The following PHKA1 variants were observed in gnomAD, a reference collection of about 807,000 sequenced individuals.
PHKA1 encodes phosphorylase kinase regulatory subunit alpha 1.
PHKA1 carries 60 observed loss-of-function variants against 110.2 expected under a neutral mutation model. The ratio of observed to expected loss-of-function variants is 0.54; its 90% confidence interval spans 0.44 to 0.68. The LOEUF is 0.68. PHKA1 is among the 30% of genes least tolerant of loss of function. The probability of loss-of-function intolerance (pLI) is 0.00; values close to 1 mark genes in which losing one functional copy is unlikely to be tolerated. For missense variants in PHKA1, 801 were observed against 942.5 expected (o/e 0.85, Z 1.97); for synonymous variants, 316 against 333.6 (o/e 0.95, Z 0.58).
chrX:72,623,052 T>C, intron 18 of PHKA1, 57 bp downstream of exon 18: 1 of 1,206,234 alleles, frequency 8.3e-7, no homozygotes, highest in East Asian at 3.0e-5. Flanking sequence ...AGGATGGTGC[T>C]AAACAATATT....
chrX:72,655,674 G>C (rs2053485147), intron 10 of PHKA1, among the ~76,000 whole-genome samples: 1 of 110,228 alleles, frequency 9.1e-6, no homozygotes, highest in Non-Finnish European at 1.9e-5. Flanking sequence ...CCAGGCTGGA[G>C]TGCAGTGGCG....
intron 4 of PHKA1, among the ~76,000 whole-genome samples, chrX:72,690,924 C>G (rs935985379): frequency 9.0e-6 from 1 of 111,341 alleles, no homozygotes. Context: ...CACACCACCA[C>G]GCCTGGCTAA....
chrX:72,639,466 G>T (rs2053269388), intron 14 of PHKA1, among the ~76,000 whole-genome samples: 1 of 111,555 alleles, frequency 9.0e-6, no homozygotes, highest in Non-Finnish European at 1.9e-5. Context: ...AACCTGGGAG[G>T]CGGTGGTTGC....
In PHKA1 at chrX:72,667,385, T is replaced by A; in HGVS notation, c.707A>T (p.Gln236Leu). 8.3e-7 allele frequency: 1 copy of A among 1,200,125 alleles called. No individual in the cohort carries two copies. Among genetic ancestry groups the A allele is most frequent in the Non-Finnish European group, 1.1e-6 (1 of 884,793 alleles). ...SVIHVLADEVQHCQSILNSLL... is the reference protein window; with the variant it reads ...SVIHVLADEVLHCQSILNSLL... ...TCCATAATATTTTACCTGGCAGTGC[T>A]GTACTTCATCAGCCAGGACATGGAT... The change falls in exon 7 of 32, where the codon CAG becomes CTG. Residue 236 changes from glutamine (Q) to leucine (L), a missense_variant. Coordinates refer to ENST00000373542, the MANE Select transcript of PHKA1 (RefSeq NM_002637.4).
intron 6 of PHKA1, among the ~76,000 whole-genome samples, chrX:72,673,797 T>C (rs1329358403): frequency 1.8e-5 from 2 of 111,570 alleles, no homozygotes; most frequent in Non-Finnish European, 3.8e-5. Flanking sequence ...TTATTTTTTT[T>C]TTCATTTGAA....
chrX:72,642,377 GAGA>G (rs782581320), intron 14 of PHKA1, among the ~76,000 whole-genome samples: 6 of 111,619 alleles, frequency 5.4e-5, no homozygotes, highest in Non-Finnish European at 7.5e-5. Flanking sequence ...GAGAGCCAGA[GAGA>G]ATCAGGTCAA....
At chrX:72,698,931 A>G (rs1370925057) in intron 3 of PHKA1, among the ~76,000 whole-genome samples, 1 of 112,052 alleles carries the variant, frequency 8.9e-6, no homozygotes, top group African/African-American at 3.2e-5. Flanking sequence ...CACGACTATC[A>G]CAGTTTTCAT....
intron 5 of PHKA1, among the ~76,000 whole-genome samples, chrX:72,682,934 TAAAAAAAAAAAA>T (rs1164416043): frequency 1.6e-5 from 1 of 63,857 alleles, no homozygotes. Context: ...AAAAATAAAT[TAAAAAAAAAAAA>T]AAAAAAAAAA....
intron 3 of PHKA1, chrX:72,697,195 T>C (rs1163600934): frequency 9.0e-6 from 1 of 111,032 alleles, no homozygotes; most frequent in African/African-American, 3.3e-5. Context: ...AGACCCATCA[T>C]TATGTAAGAA....
chrX:72,711,614 C>G (rs1474070044), intron 2 of PHKA1, among the ~76,000 whole-genome samples: 2 of 110,967 alleles, frequency 1.8e-5, no homozygotes, highest in East Asian at 5.7e-4. Flanking sequence ...CGTGGTGGCA[C>G]GCGCATGTAG....
In PHKA1 at chrX:72,713,867, C is replaced by T. The variant is rs1196812436; in HGVS notation, c.14G>A (p.Ser5Asn). Residue 5 changes from serine (S) to asparagine (N), a missense_variant, in exon 1 of 32, where the codon AGT (serine) becomes AAT (asparagine). Ser to Asn is a conservative substitution (Grantham distance 46). This residue lies in a region of PHKA1 where 299 missense variants were observed against 423.3 expected (regional missense o/e 0.71). Transcript: ENST00000373542. MRSR[S>N]NSGVRLDGYA... ...GCCGTCCAGCCGGACCCCGGAGTTA[C>T]TCCGGCTCCTCATGGCGACACGTTA... The T allele has an allele frequency of 5.8e-6, 7 of 1,201,960 alleles. No homozygotes were observed. Among genetic ancestry groups the T allele is most frequent in the Non-Finnish European group, 7.9e-6 (7 of 887,572 alleles).
At chrX:72,703,627 TGA>T (rs2054236767) in intron 3 of PHKA1, among the ~76,000 whole-genome samples, 1 of 111,395 alleles carries the variant, frequency 9.0e-6, no homozygotes, top group Admixed American at 9.5e-5. Flanking sequence ...CTGCAGTGAG[TGA>T]GCTATGATCA....
intron 8 of PHKA1, among the ~76,000 whole-genome samples, chrX:72,660,226 G>C (rs1234718441): frequency 7.2e-5 from 8 of 111,443 alleles, no homozygotes; most frequent in African/African-American, 2.6e-4. Context: ...CAAACATATA[G>C]TCATGTGTCC....
chrX:72,682,556 G>C (rs868942998), intron 5 of PHKA1, among the ~76,000 whole-genome samples: 250 of 107,841 alleles, frequency 2.3e-3, no homozygotes, highest in Middle Eastern at 9.5e-3. Context: ...AGACATGGGA[G>C]ACTTTTCATT....
intron 3 of PHKA1, among the ~76,000 whole-genome samples, chrX:72,704,811 G>A (rs1046329575): frequency 1.8e-5 from 2 of 111,558 alleles, no homozygotes; most frequent in African/African-American, 6.5e-5. Context: ...GGCTGGTCTC[G>A]AACTTATGGA....
chrX:72,590,301 C>A (rs1603251040), intron 29 of PHKA1, among the ~76,000 whole-genome samples: 1 of 111,407 alleles, frequency 9.0e-6, no homozygotes, highest in Non-Finnish European at 1.9e-5. Context: ...CTTTGACAAA[C>A]CTGACAAAAA....
At chrX:72,630,859 A>AT (rs1330853880) in intron 16 of PHKA1, among the ~76,000 whole-genome samples, 1 of 109,978 alleles carries the variant, frequency 9.1e-6, no homozygotes, top group East Asian at 2.8e-4. Flanking sequence ...GCTTTTTCTG[A>AT]TTTTCTCTCA....
intron 29 of PHKA1, among the ~76,000 whole-genome samples, chrX:72,590,259 G>A (rs1172059443): frequency 9.0e-6 from 1 of 111,585 alleles, no homozygotes; most frequent in East Asian, 2.8e-4. Flanking sequence ...AGAGGCCTCA[G>A]AAATAACACT....
At chrX:72,627,909 C>CCGGGTTCACGCCATTCTCCGGCCT (rs1556283838) in intron 16 of PHKA1, among the ~76,000 whole-genome samples, 1 of 107,048 alleles carries the variant, frequency 9.3e-6, no homozygotes, top group East Asian at 2.9e-4. Context: ...GCTCCGCCTC[C>CCGGGTTCACGCCATTCTCCGGCCT]CGGGTTCACG....
Sources: allele counts gnomAD v4.1 joint callset (sites outside exome capture counted in the v4.1 genomes callset), GRCh38; gene constraint gnomAD v4.1.1; regional missense constraint gnomAD v4.1.1; transcripts MANE v1.5; gene names NCBI Gene and HGNC (gene_info 2026-07-23, HGNC 2026-07-21).